TECRL: variants seen among roughly 807,000 people sequenced by gnomAD.
The protein encoded by TECRL is trans-2,3-enoyl-CoA reductase-like.
In TECRL, 63 loss-of-function variants were observed where a neutral mutation model predicts 52.8. The observed-to-expected ratio is 1.19, with a 90% CI of 0.97 to 1.47. TECRL has a LOEUF of 1.47. TECRL is among the 40% of genes most tolerant of loss of function. The probability of loss-of-function intolerance (pLI) is 0.00; values close to 1 mark genes in which losing one functional copy is unlikely to be tolerated. For missense variants in TECRL, 482 were observed against 429.6 expected (o/e 1.12, Z -1.08); for synonymous variants, 164 against 141.9 (o/e 1.16, Z -1.10).
Position 64,289,706 on chromosome 4 carries a change from T to C in TECRL, c.832+4A>G, listed in dbSNP as rs1723271623. Reference sequence around the variant, plus strand: ...AAAGAAAAGAAAAAGAAAAAAGAACTAACCTGTGTGATTGGGATGAGACAA... The same window carrying C: ...AAAGAAAAGAAAAAGAAAAAAGAACCAACCTGTGTGATTGGGATGAGACAA... On this transcript the variant is annotated splice_donor_region_variant and intron_variant, in intron 9 of 11. Transcript: ENST00000381210. 6.5e-7 allele frequency: 1 copy of C among 1,527,576 alleles called. No individual in the cohort carries two copies. The highest frequency in any genetic ancestry group is 8.7e-7 in the Non-Finnish European group (1 of 1,147,430). The allele number at this position is 1,527,576 out of a possible 1,614,324, so 94.6% of individuals were successfully genotyped here. A position where few individuals can be genotyped will look rare whatever the true frequency, so the allele number is the denominator to read the frequency against.
intron 1 of TECRL, among the ~76,000 whole-genome samples, chr4:64,390,302 G>A (rs1723462586): frequency 6.6e-6 from 1 of 151,914 alleles, no homozygotes; most frequent in Admixed American, 6.6e-5. Context: ...TCAAATCGCT[G>A]TGTTCCCTCT....
intron 3 of TECRL, among the ~76,000 whole-genome samples, chr4:64,325,072 G>T (rs1369322116): frequency 6.6e-6 from 1 of 152,142 alleles, no homozygotes; most frequent in African/African-American, 2.4e-5. Flanking sequence ...AGTGCATTGG[G>T]AAGATTCACT....
downstream of TECRL, chr4:64,276,904 C>A (rs1257203573): frequency 1.4e-5 from 8 of 567,804 alleles, no homozygotes; most frequent in East Asian, 1.1e-4. Context: ...TATAGTAACT[C>A]CTAAAACCTG....
intron 8 of TECRL, among the ~76,000 whole-genome samples, chr4:64,290,640 A>G (rs1723328313): frequency 6.6e-6 from 1 of 152,104 alleles, no homozygotes; most frequent in Non-Finnish European, 1.5e-5. Context: ...TGCATTTTTC[A>G]TATATAATAA....
chr4:64,365,800 C>A (rs575183144), intron 2 of TECRL, among the ~76,000 whole-genome samples: 1 of 151,988 alleles, frequency 6.6e-6, no homozygotes, highest in South Asian at 2.1e-4. Flanking sequence ...AATGGCCATA[C>A]AGACCAAAGC....
chr4:64,347,385 C>A (rs1720065866), intron 2 of TECRL, among the ~76,000 whole-genome samples: 1 of 152,172 alleles, frequency 6.6e-6, no homozygotes, highest in Admixed American at 6.5e-5. Flanking sequence ...TGGGACATCT[C>A]AAAATCAATG....
intron 3 of TECRL, among the ~76,000 whole-genome samples, chr4:64,327,332 C>T (rs1577877520): frequency 6.6e-6 from 1 of 152,008 alleles, no homozygotes; most frequent in South Asian, 2.1e-4. Flanking sequence ...GTCATATTCA[C>T]CAGAACACTG....
chr4:64,354,961 C>A (rs894471235), intron 2 of TECRL, among the ~76,000 whole-genome samples: 3 of 151,942 alleles, frequency 2.0e-5, no homozygotes, highest in African/African-American at 7.2e-5. Context: ...GTAAAAAGAA[C>A]CATGATATGG....
At chr4:64,290,911 TG>T (rs895735334) in intron 8 of TECRL, among the ~76,000 whole-genome samples, 13 of 152,148 alleles carry the variant, frequency 8.5e-5, no homozygotes, top group African/African-American at 3.1e-4. Context: ...ATACAAATTT[TG>T]TACCAACATA....
At chr4:64,315,245 C>A (rs965863725) in intron 4 of TECRL, among the ~76,000 whole-genome samples, 2 of 152,152 alleles carry the variant, frequency 1.3e-5, no homozygotes, top group Admixed American at 6.5e-5. Flanking sequence ...GGAAACAATT[C>A]AGTTTTCTCT....
At chr4:64,394,649 A>T (rs573516346) in intron 1 of TECRL, among the ~76,000 whole-genome samples, 1 of 152,184 alleles carries the variant, frequency 6.6e-6, no homozygotes, top group Admixed American at 6.6e-5. Context: ...GGTCTTGAAC[A>T]CAGAGTGTTT....
chr4:64,401,746 C>G (rs1724375197), intron 1 of TECRL, among the ~76,000 whole-genome samples: 1 of 152,186 alleles, frequency 6.6e-6, no homozygotes, highest in Admixed American at 6.5e-5. Context: ...GTCACCACTT[C>G]ACTGCTAGTT....
intron 2 of TECRL, among the ~76,000 whole-genome samples, chr4:64,329,301 G>T (rs554245263): frequency 7.1e-4 from 107 of 151,670 alleles, no homozygotes; most frequent in African/African-American, 2.6e-3. Flanking sequence ...TTTACCACAC[G>T]TATAATAAAT....
At chr4:64,295,260 T>C (rs953170213) in intron 8 of TECRL, among the ~76,000 whole-genome samples, 55 of 151,346 alleles carry the variant, frequency 3.6e-4, no homozygotes, top group African/African-American at 1.3e-3. Context: ...GTTCAGATAT[T>C]GCATTTATAT....
At chr4:64,338,823 A>T (rs1325413234) in intron 2 of TECRL, among the ~76,000 whole-genome samples, 2 of 152,200 alleles carry the variant, frequency 1.3e-5, no homozygotes, top group African/African-American at 4.8e-5. Flanking sequence ...GAACACTTTT[A>T]CACTGTTGGT....
At chr4:64,332,192 C>G (rs1718685932) in intron 2 of TECRL, among the ~76,000 whole-genome samples, 3 of 152,138 alleles carry the variant, frequency 2.0e-5, no homozygotes, top group Non-Finnish European at 4.4e-5. Flanking sequence ...GGGCTTTTCA[C>G]ACACCTATGA....
At chr4:64,311,547 C>G (rs1717001081) in intron 5 of TECRL, among the ~76,000 whole-genome samples, 1 of 152,072 alleles carries the variant, frequency 6.6e-6, no homozygotes. Flanking sequence ...AGCAATGTAG[C>G]AGAGCCCTAA....
rs1392257496 is a variant in TECRL at position 64,389,062 on chromosome 4, T to C, written c.235-13839A>G. ...TTCAGATATTCTACATAGACAAACA[T>C]GCCATCTTCAAAGACTTTTAATTTT... is the stretch of plus-strand genomic sequence containing the variant. On this transcript the variant is annotated intron_variant, in intron 1 of 11. Transcript: ENST00000381210. Among the ~76,000 whole-genome samples, 7 of 151,906 alleles carry C rather than the reference T, an allele frequency of 4.6e-5. No individual in the cohort carries two copies. In the South Asian group the frequency reaches 1.4e-3, roughly 31 times the overall value.
At chr4:64,386,344 T>TCATGAAGG (rs1723177209) in intron 1 of TECRL, among the ~76,000 whole-genome samples, 1 of 152,150 alleles carries the variant, frequency 6.6e-6, no homozygotes, top group African/African-American at 2.4e-5. Context: ...AAATGGATAA[T>TCATGAAGG]CATGAAGGTC....
Sources: gnomAD v4.1 joint callset for allele counts (sites outside exome capture counted in the v4.1 genomes callset) on GRCh38, gnomAD v4.1.1 for gene constraint, MANE v1.5 for transcripts, NCBI Gene and HGNC (gene_info 2026-07-23, HGNC 2026-07-21) for gene names.